FAT3: variants seen among roughly 807,000 people sequenced by gnomAD.
The protein encoded by FAT3 is protocadherin Fat 3.
Under a neutral mutation model 310.2 loss-of-function variants are expected in FAT3, and 95 were observed. That is an observed-to-expected ratio of 0.31 (90% CI 0.26 to 0.36). The LOEUF (loss-of-function observed/expected upper bound fraction) is 0.36. Ranked by LOEUF, FAT3 falls within the 10% of genes least tolerant of loss-of-function variation. The pLI is 1.00. For synonymous variants in FAT3, 2,314 were observed against 2,192.9 expected, an observed-to-expected ratio of 1.06 and a Z score of -1.54; for missense variants, 5,408 against 5,715.6, an observed-to-expected ratio of 0.95 and a Z score of 1.74.
chr11:92,603,504 C>A (rs893762896), intron 3 of FAT3, among the ~76,000 whole-genome samples: 4 of 152,206 alleles, frequency 2.6e-5, no homozygotes, highest in African/African-American at 7.2e-5. Flanking sequence ...TGGAATTTCA[C>A]AAGTTCCACA....
In FAT3 at chr11:92,800,538, G is replaced by A. The variant is rs972547916; in HGVS notation, c.7525G>A (p.Val2509Met). The change falls in exon 10 of 28, where the codon GTG becomes ATG. Residue 2509 changes from valine (V) to methionine (M), a missense_variant. Around this residue, in one of 5 missense-constraint regions of FAT3, gnomAD observed 4,588 missense variants for 4,809.8 expected, o/e 0.95. Coordinates refer to ENST00000525166, the MANE Select transcript of FAT3 (RefSeq NM_001367949.2). ...ATACGTAGCTGAGGTGAGAGAGAAC[G>A]TGGCTGCAGGAACAAAGGTAATTCA... is the stretch of plus-strand genomic sequence containing the variant. Reference protein sequence around the residue: ...STYVAEVRENVAAGTKVIHVR... With the variant: ...STYVAEVRENMAAGTKVIHVR... 5.6e-6 allele frequency: 9 copies of A among 1,613,878 alleles called. No homozygotes were observed. The highest frequency in any genetic ancestry group is 4.5e-5 in the East Asian group (2 of 44,824).
intron 2 of FAT3, among the ~76,000 whole-genome samples, chr11:92,436,014 GTGA>G (rs1482504970): frequency 6.6e-6 from 1 of 152,222 alleles, no homozygotes; most frequent in African/African-American, 2.4e-5. Context: ...TAAAGCACAT[GTGA>G]TGATGCTCTC....
chr11:92,439,545 C>T (rs1951020664), intron 2 of FAT3, among the ~76,000 whole-genome samples: 1 of 151,854 alleles, frequency 6.6e-6, no homozygotes, highest in Admixed American at 6.6e-5. Context: ...AGGGTGTCTG[C>T]CTTTCGGGAG....
chr11:92,779,443 G>T (rs1193746427), intron 7 of FAT3, among the ~76,000 whole-genome samples: 1 of 151,912 alleles, frequency 6.6e-6, no homozygotes, highest in Non-Finnish European at 1.5e-5. Context: ...AGACTTAAAT[G>T]GATTTCCACT....
At chr11:92,752,923 G>T (rs1300666545) in intron 4 of FAT3, among the ~76,000 whole-genome samples, 1 of 152,024 alleles carries the variant, frequency 6.6e-6, no homozygotes, top group African/African-American at 2.4e-5. Flanking sequence ...TAATAAATAA[G>T]GACTCATTAT....
At chr11:92,379,729 G>C (rs1027048611) in intron 2 of FAT3, among the ~76,000 whole-genome samples, 4 of 152,138 alleles carry the variant, frequency 2.6e-5, no homozygotes, top group African/African-American at 4.8e-5. Context: ...TTAAGTACTA[G>C]GGTGAAAAAT....
At chr11:92,343,095 C>T (rs573280958) in intron 1 of FAT3, among the ~76,000 whole-genome samples, 8 of 152,194 alleles carry the variant, frequency 5.3e-5, no homozygotes, top group South Asian at 2.1e-4. Context: ...GGAGGGTATT[C>T]GTAACACTGC....
chr11:92,506,539 A>T (rs1188764583), intron 2 of FAT3, among the ~76,000 whole-genome samples: 1 of 152,204 alleles, frequency 6.6e-6, no homozygotes, highest in Non-Finnish European at 1.5e-5. Flanking sequence ...CACAATTTTT[A>T]AATAGTATGT....
At chr11:92,336,999 G>T (rs1245078972) in intron 1 of FAT3, among the ~76,000 whole-genome samples, 2 of 152,124 alleles carry the variant, frequency 1.3e-5, no homozygotes, top group Non-Finnish European at 2.9e-5. Context: ...CATATACTCA[G>T]CCCTCAGAAG....
At chr11:92,481,043 C>T (rs1238965047) in intron 2 of FAT3, among the ~76,000 whole-genome samples, 2 of 152,150 alleles carry the variant, frequency 1.3e-5, no homozygotes, top group Admixed American at 6.5e-5. Flanking sequence ...TAAGAGTGTA[C>T]TTCATTTAAG....
intron 12 of FAT3, among the ~76,000 whole-genome samples, chr11:92,807,077 T>G (rs2136204838): frequency 6.6e-6 from 1 of 152,300 alleles, no homozygotes; most frequent in South Asian, 2.1e-4. Flanking sequence ...CTCTTTTCTC[T>G]TCTCTGGTGG....
intron 12 of FAT3, among the ~76,000 whole-genome samples, 196 bp from the exon 13 acceptor site, chr11:92,809,647 G>A (rs915615935): frequency 2.0e-5 from 3 of 152,160 alleles, no homozygotes; most frequent in Admixed American, 2.0e-4. Context: ...TTTTGTTTTT[G>A]CATCTAGAAT....
chr11:92,306,127 G>A (rs372445339), intron 1 of FAT3, among the ~76,000 whole-genome samples: 12 of 151,800 alleles, frequency 7.9e-5, no homozygotes, highest in African/African-American at 2.4e-4. Context: ...TGAATTAATG[G>A]ATTCATTAAC....
intron 2 of FAT3, among the ~76,000 whole-genome samples, chr11:92,426,725 G>A (rs182292290): frequency 5.7e-4 from 86 of 151,972 alleles, no homozygotes; most frequent in African/African-American, 1.8e-3. Flanking sequence ...GTTCTGTTCC[G>A]TTGGTCTATA....
At chr11:92,474,609 T>C (rs1828371900) in intron 2 of FAT3, among the ~76,000 whole-genome samples, 1 of 151,834 alleles carries the variant, frequency 6.6e-6, no homozygotes, top group African/African-American at 2.4e-5. Flanking sequence ...GAGATGAGGA[T>C]CTCAATGAGA....
intron 3 of FAT3, among the ~76,000 whole-genome samples, chr11:92,673,784 T>C (rs1054591261): frequency 6.6e-6 from 1 of 152,158 alleles, no homozygotes; most frequent in African/African-American, 2.4e-5. Flanking sequence ...GGAATGGAGA[T>C]GGTCCCAAAT....
chr11:92,300,309 A>G (rs1281951566), intron 1 of FAT3, among the ~76,000 whole-genome samples: 1 of 152,106 alleles, frequency 6.6e-6, no homozygotes. Flanking sequence ...GGTCACTTTC[A>G]TGGGCTGTTT....
At chr11:92,709,839 C>G (rs1372008202) in intron 4 of FAT3, among the ~76,000 whole-genome samples, 9 of 152,194 alleles carry the variant, frequency 5.9e-5, no homozygotes, top group Non-Finnish European at 7.3e-5. Flanking sequence ...GCTTGCCAAC[C>G]CCAGCTCCTG....
intron 3 of FAT3, among the ~76,000 whole-genome samples, chr11:92,589,294 G>A (rs1280404027): frequency 6.6e-6 from 1 of 152,044 alleles, no homozygotes; most frequent in East Asian, 1.9e-4. Flanking sequence ...TTTCCAGTGG[G>A]ATGACCATGA....
Sources: allele counts gnomAD v4.1 joint callset (sites outside exome capture counted in the v4.1 genomes callset), GRCh38; gene constraint gnomAD v4.1.1; regional missense constraint gnomAD v4.1.1; transcripts MANE v1.5; gene names NCBI Gene and HGNC (gene_info 2026-07-23, HGNC 2026-07-21).